The following MRC2 variants were observed in gnomAD, a reference collection of about 807,000 sequenced individuals.
MRC2 encodes mannose receptor C-type 2, also known as C-type mannose receptor 2.
MRC2 carries 84 observed loss-of-function variants against 206.2 expected under a neutral mutation model. The ratio of observed to expected loss-of-function variants is 0.41; its 90% CI spans 0.34 to 0.49. MRC2 has a LOEUF of 0.49. Among genes scored for constraint, MRC2 ranks in the 20% least tolerant of loss-of-function variants. The probability of loss-of-function intolerance (pLI) is 0.31; values close to 1 mark genes in which losing one functional copy is unlikely to be tolerated. For synonymous variants in MRC2, 798 were observed against 800.0 expected (o/e 1.00, Z 0.04); for missense variants, 1,676 against 2,001.5 (o/e 0.84, Z 3.10).
intron 1 of MRC2, among the ~76,000 whole-genome samples, chr17:62,640,956 C>T (rs2088395171): frequency 6.6e-6 from 1 of 151,946 alleles, no homozygotes; most frequent in Non-Finnish European, 1.5e-5. Context: ...CCCGCCTCAG[C>T]CTCAGCCTCC....
At position 62,680,460 on chromosome 17, in the gene MRC2, A is replaced by G. The variant is rs201112479; in HGVS notation, c.2473+7A>G. 6,938 of 1,613,484 alleles carry G rather than the reference A, an allele frequency of 4.3e-3. 18 individuals carry two copies. The highest frequency in any genetic ancestry group is 5.2e-3 in the Non-Finnish European group (6,155 of 1,179,908). ...CCCGACGACAGCCCTCAAGGTGAGC[A>G]CCCCCCAGCCCATCCCGCTACCCAT... On this transcript the variant is annotated splice_region_variant and intron_variant, in intron 16 of 29. Coordinates refer to ENST00000303375, the MANE Select transcript of MRC2 (RefSeq NM_006039.5). The surrounding 1 kb of genome is among the most constrained non-coding windows in gnomAD (Gnocchi z 4.8).
intron 1 of MRC2, among the ~76,000 whole-genome samples, chr17:62,634,470 T>C (rs1188364989): frequency 6.6e-6 from 1 of 152,080 alleles, no homozygotes; most frequent in Non-Finnish European, 1.5e-5. Flanking sequence ...GTGGCTAATG[T>C]TTGTACTTTT....
At chr17:62,662,724 A>G (rs559552948) in intron 1 of MRC2, among the ~76,000 whole-genome samples, 5 of 152,260 alleles carry the variant, frequency 3.3e-5, no homozygotes, top group Admixed American at 2.6e-4. Flanking sequence ...ACCCTGACCA[A>G]CATGGAGAAA....
intron 1 of MRC2, among the ~76,000 whole-genome samples, chr17:62,646,214 C>T (rs577086077): frequency 5.3e-5 from 8 of 151,790 alleles, no homozygotes; most frequent in South Asian, 4.2e-4. Flanking sequence ...TTAGTAGAGA[C>T]GGGGTTTCAC....
At position 62,690,196 on chromosome 17, in the gene MRC2, TC is replaced by T; in HGVS notation, c.3787del (p.Gln1263ArgfsTer70). The T allele has an allele frequency of 6.2e-7, 1 of 1,611,532 alleles. No homozygotes were observed. Among genetic ancestry groups the T allele is most frequent in the Non-Finnish European group, 8.5e-7 (1 of 1,178,198 alleles). ...PRRISYHGSC[P>X]QGLADSAWIP... ...GAAGAATAAGCTACCATGGCAGCTG[TC>T]CCCAGGGACTGGCAGACTCCGCGTG... On this transcript the variant is annotated frameshift_variant, in exon 26 of 30. Transcript: ENST00000303375. LOFTEE classifies it high-confidence loss of function.
At position 62,674,049 on chromosome 17, in the gene MRC2, C is replaced by T. The variant is rs2088859246; in HGVS notation, c.1462-14C>T. 1 of 1,537,380 alleles carries T rather than the reference C, an allele frequency of 6.5e-7. No homozygotes were observed. Among genetic ancestry groups the T allele is most frequent in the South Asian group, 1.2e-5 (1 of 83,718 alleles). On this transcript the variant is annotated splice_polypyrimidine_tract_variant and intron_variant, in intron 8 of 29. Coordinates refer to ENST00000303375, the MANE Select transcript of MRC2 (RefSeq NM_006039.5). Reference sequence around the variant, plus strand: ...AGGTGGGGGTTGAGATTCTTCCTCACCCTGTGTCCGTAGGAAGGCCGCTGG... The same window carrying T: ...AGGTGGGGGTTGAGATTCTTCCTCATCCTGTGTCCGTAGGAAGGCCGCTGG...
chr17:62,684,906 C>T (rs983208147), intron 20 of MRC2, among the ~76,000 whole-genome samples: 2 of 152,078 alleles, frequency 1.3e-5, no homozygotes, highest in South Asian at 2.1e-4. Flanking sequence ...TTTGGGAGGC[C>T]GAGGCGGGTG....
At chr17:62,630,705 C>G (rs2084209029) in intron 1 of MRC2, among the ~76,000 whole-genome samples, 1 of 152,124 alleles carries the variant, frequency 6.6e-6, no homozygotes, top group African/African-American at 2.4e-5. Flanking sequence ...GGGATCAAGT[C>G]TCAAGGCCAT....
chr17:62,666,230 C>G lies in MRC2; in HGVS notation c.657C>G (p.Tyr219Ter). 1 of 1,598,784 alleles carries G rather than the reference C, an allele frequency of 6.3e-7. No individual in the cohort carries two copies. The highest frequency in any genetic ancestry group is 8.5e-7 in the Non-Finnish European group (1 of 1,173,202). Residue 219 changes from tyrosine to a stop codon, truncating the protein, a stop_gained, in exon 3 of 30, where the codon TAC becomes TAG. Transcript: ENST00000303375. LOFTEE classifies it high-confidence loss of function. The surrounding 1 kb of genome is among the most constrained non-coding windows in gnomAD (Gnocchi z 5.0). ...TGTGGTGTGCCACCACCCAGGACTA[C>G]GGCAAAGACGAGCGCTGGGGCTTCT... ...GHLWCATTQD[Y>*]GKDERWGFCP...
At position 62,692,143 on chromosome 17, in the gene MRC2, G is replaced by A; in HGVS notation, c.4219+5G>A. 1 of 1,614,222 alleles carries A rather than the reference G, an allele frequency of 6.2e-7. No individual in the cohort carries two copies. The highest frequency in any genetic ancestry group is 8.5e-7 in the Non-Finnish European group (1 of 1,180,048). On this transcript the variant is annotated splice_donor_5th_base_variant and intron_variant, in intron 29 of 29. Transcript: ENST00000303375. This position sits in a 1 kb window ranked among gnomAD's most constrained non-coding sequence, Gnocchi z 4.2. ...AGAGCAGCTTCTCCCCATCAGGTGA[G>A]TGAAAGGCAATGCCCCCAGGTGGGC...
At chr17:62,689,287 C>T (rs1230133092) in intron 23 of MRC2, 6 of 578,336 alleles carry the variant, frequency 1.0e-5, no homozygotes, top group Non-Finnish European at 1.8e-5. Context: ...GTGGCCTCTG[C>T]GCCGGGTTCC....
chr17:62,673,174 T>C (rs1230004128), intron 8 of MRC2, among the ~76,000 whole-genome samples: 2 of 152,190 alleles, frequency 1.3e-5, no homozygotes, highest in African/African-American at 2.4e-5. Flanking sequence ...GTATCTACCA[T>C]GTGCCAGTCA....
At position 62,676,580 on chromosome 17, in the gene MRC2, G is replaced by A. The variant is rs775996794; in HGVS notation, c.1834+49G>A. 5.2e-6 allele frequency: 8 copies of A among 1,543,154 alleles called. No individual in the cohort carries two copies. In the Admixed American group the frequency reaches 6.0e-5, roughly 11 times the overall value. On this transcript the variant is annotated intron_variant, in intron 11 of 29. Transcript: ENST00000303375. ...TTGGTGAAGCGAGGAGGGAGGCCAG[G>A]GTGGACTGGCCCTGCCAGCACCGAG...
intron 1 of MRC2, among the ~76,000 whole-genome samples, chr17:62,657,778 T>C (rs547744923): frequency 1.3e-5 from 2 of 152,256 alleles, no homozygotes; most frequent in South Asian, 4.1e-4. Context: ...TCAGGACGCC[T>C]TTTCTCTTTC....
intron 1 of MRC2, among the ~76,000 whole-genome samples, chr17:62,637,645 C>G (rs1019339659): frequency 6.6e-6 from 1 of 152,148 alleles, no homozygotes; most frequent in Non-Finnish European, 1.5e-5. Context: ...CTGCCCAACC[C>G]GGACTCTGCT....
Position 62,627,751 on chromosome 17 carries a change from G to A in MRC2, c.-52G>A. The A allele has an allele frequency of 7.6e-7, 1 of 1,316,814 alleles. No homozygotes were observed. Among genetic ancestry groups the A allele is most frequent in the Non-Finnish European group, 9.7e-7 (1 of 1,025,824 alleles). The allele number at this position is 1,316,814 out of a possible 1,614,324, so 81.6% of individuals were successfully genotyped here. A position where few individuals can be genotyped will look rare whatever the true frequency, so the allele number is the denominator to read the frequency against. On this transcript the variant is annotated 5_prime_UTR_variant, in exon 1 of 30. Transcript: ENST00000303375. ...CCCAGCCTCGGGGCTGCCACAGCGC[G>A]TTGCGCCTGTGCGCCCTCGGTCCCC...
At chr17:62,639,788 T>C (rs1198178419) in intron 1 of MRC2, among the ~76,000 whole-genome samples, 7 of 152,064 alleles carry the variant, frequency 4.6e-5, no homozygotes, top group Admixed American at 4.6e-4. Flanking sequence ...CAGCCTTTAG[T>C]AGCAAAACAA....
intron 1 of MRC2, among the ~76,000 whole-genome samples, chr17:62,645,814 A>G (rs1160684374): frequency 6.6e-6 from 1 of 151,426 alleles, no homozygotes; most frequent in African/African-American, 2.4e-5. Context: ...TGCTGGGATT[A>G]CAGGTGTGAG....
At chr17:62,634,099 G>A (rs534949770) in intron 1 of MRC2, among the ~76,000 whole-genome samples, 2 of 152,196 alleles carry the variant, frequency 1.3e-5, no homozygotes, top group Non-Finnish European at 2.9e-5. Context: ...TGCTAAACAA[G>A]GGGTGGATTA....
Sources: gnomAD v4.1 joint callset for allele counts (sites outside exome capture counted in the v4.1 genomes callset) on GRCh38, gnomAD v4.1.1 for gene constraint, Gnocchi (gnomAD v3.1) non-coding constraint, MANE v1.5 for transcripts, NCBI Gene and HGNC (gene_info 2026-07-23, HGNC 2026-07-21) for gene names.